The following PDSS2 variants were observed in gnomAD, a reference collection of about 807,000 sequenced individuals.
The protein encoded by PDSS2 is all trans-polyprenyl-diphosphate synthase PDSS2.
In PDSS2, 31 loss-of-function variants were observed where a neutral mutation model predicts 44.5. The ratio of observed to expected loss-of-function variants is 0.70; its 90% CI spans 0.52 to 0.94. The LOEUF (loss-of-function observed/expected upper bound fraction) is 0.94, where lower values mean the gene tolerates loss of function less well. Among genes scored for constraint, PDSS2 ranks in the 40% least tolerant of loss-of-function variants. The probability of loss-of-function intolerance (pLI) is 0.00; values close to 1 mark genes in which losing one functional copy is unlikely to be tolerated. For synonymous variants in PDSS2, 157 were observed against 180.3 expected (o/e 0.87, Z 1.03); for missense variants, 452 against 482.2 (o/e 0.94, Z 0.59).
At chr6:107,267,884 T>G (rs986402933) in intron 3 of PDSS2, among the ~76,000 whole-genome samples, 2 of 152,096 alleles carry the variant, frequency 1.3e-5, no homozygotes, top group Non-Finnish European at 2.9e-5. Flanking sequence ...TGAGCCACCA[T>G]GCCTGACCAA....
chr6:107,409,920 G>C (rs1265829224), intron 1 of PDSS2, among the ~76,000 whole-genome samples: 1 of 152,122 alleles, frequency 6.6e-6, no homozygotes, highest in Non-Finnish European at 1.5e-5. Context: ...CCTTACCCGG[G>C]GAGGCATCTC....
chr6:107,339,361 A>T (rs1778006962), intron 1 of PDSS2, among the ~76,000 whole-genome samples: 1 of 152,248 alleles, frequency 6.6e-6, no homozygotes, highest in Non-Finnish European at 1.5e-5. Context: ...TTATCATTAA[A>T]GTTCTACAGA....
At chr6:107,334,638 C>T (rs1167728313) in intron 1 of PDSS2, among the ~76,000 whole-genome samples, 1 of 150,918 alleles carries the variant, frequency 6.6e-6, no homozygotes, top group Non-Finnish European at 1.5e-5. Context: ...CCTCCCGGTC[C>T]TAAGCGATCC....
chr6:107,175,001 T>A (rs1202754484), intron 7 of PDSS2, among the ~76,000 whole-genome samples: 1 of 152,130 alleles, frequency 6.6e-6, no homozygotes, highest in Non-Finnish European at 1.5e-5. Context: ...GATCATGACG[T>A]CAGGAGTTCA....
chr6:107,241,641 C>A (rs957095297), intron 4 of PDSS2, among the ~76,000 whole-genome samples: 3 of 152,146 alleles, frequency 2.0e-5, no homozygotes, highest in Admixed American at 1.3e-4. Flanking sequence ...CCACCGCACC[C>A]GGCTGCTCTA....
chr6:107,299,309 G>A (rs1181487420), intron 2 of PDSS2, among the ~76,000 whole-genome samples: 1 of 151,938 alleles, frequency 6.6e-6, no homozygotes, highest in Admixed American at 6.6e-5. Context: ...AAAGCAGAGA[G>A]CCACAGTGGT....
At chr6:107,430,805 G>A (rs899042219) in intron 1 of PDSS2, among the ~76,000 whole-genome samples, 6 of 151,132 alleles carry the variant, frequency 4.0e-5, no homozygotes, top group African/African-American at 9.7e-5. Context: ...GAGAAACTCC[G>A]TCTCAGAAAA....
intron 3 of PDSS2, chr6:107,264,533 C>T (rs748594141): frequency 3.2e-5 from 45 of 1,388,542 alleles, no homozygotes; most frequent in South Asian, 6.2e-5. Flanking sequence ...AAAAAAATAA[C>T]GTGATAAATT....
chr6:107,363,745 C>A (rs1278599645), intron 1 of PDSS2, among the ~76,000 whole-genome samples: 1 of 152,134 alleles, frequency 6.6e-6, no homozygotes, highest in East Asian at 1.9e-4. Flanking sequence ...TTGGTAGAGC[C>A]GAGTGGCCTG....
intron 2 of PDSS2, among the ~76,000 whole-genome samples, chr6:107,283,723 AAAAT>A (rs201094915): frequency 0.014 from 2,164 of 151,770 alleles, 53 homozygotes; most frequent in African/African-American, 0.05. Flanking sequence ...TCCATCTCAA[AAAAT>A]AAATAAATAA....
At chr6:107,192,373 C>G in intron 7 of PDSS2, 1 of 512,500 alleles carries the variant, frequency 2.0e-6, no homozygotes, top group South Asian at 1.4e-5. Flanking sequence ...GAGTCTGAGA[C>G]CCCAGGGAAA....
chr6:107,306,616 G>A (rs550009081), intron 2 of PDSS2, among the ~76,000 whole-genome samples: 2 of 152,192 alleles, frequency 1.3e-5, no homozygotes, highest in South Asian at 4.2e-4. Context: ...TATGATGCTG[G>A]AATGCATATG....
chr6:107,155,500 CT>C (rs112219632), intron 7 of PDSS2, among the ~76,000 whole-genome samples: 1,958 of 150,968 alleles, frequency 0.013, 22 homozygotes, highest in Middle Eastern at 0.11. Flanking sequence ...TAGTTAATAA[CT>C]TTTTTTTTAA....
intron 1 of PDSS2, among the ~76,000 whole-genome samples, chr6:107,344,847 A>C (rs1778191581): frequency 6.6e-6 from 1 of 152,176 alleles, no homozygotes; most frequent in South Asian, 2.1e-4. Context: ...TAAATATACC[A>C]CTGGAAAAAC....
chr6:107,224,524 G>A (rs1773721481), intron 4 of PDSS2, among the ~76,000 whole-genome samples: 1 of 151,376 alleles, frequency 6.6e-6, no homozygotes, highest in Admixed American at 6.6e-5. Context: ...CGGACAGAGA[G>A]GGCTTCAATA....
intron 7 of PDSS2, among the ~76,000 whole-genome samples, chr6:107,157,166 C>T (rs1375623559): frequency 6.6e-6 from 1 of 151,918 alleles, no homozygotes; most frequent in African/African-American, 2.4e-5. Flanking sequence ...CCTCACTTTT[C>T]CCCCCTTTTC....
rs1191430656 is a variant in PDSS2, at chr6:107,429,899, AAAATATATATAT to A, written c.296+29079_296+29090del. On this transcript the variant is annotated intron_variant, in intron 1 of 7. Transcript: ENST00000369037. Reference sequence around the variant, plus strand: ...AACTTAGTCTCAAAAAAAAAAAAAAAAAATATATATATATATATATATATATATATATATATA... The same window carrying A: ...AACTTAGTCTCAAAAAAAAAAAAAAAATATATATATATATATATATATATA... Among the ~76,000 whole-genome samples, 281 of 41,418 alleles carry A rather than the reference AAAATATATATAT, an allele frequency of 6.8e-3. 23 individuals are homozygous for A. The highest frequency in any genetic ancestry group is 0.027 in the East Asian group (21 of 790). The allele number at this position is 41,418 out of a possible 152,430, so 27.2% of individuals were successfully genotyped here.
rs557736757 is a variant in PDSS2 at position 107,452,397 on chromosome 6, A to C, written c.296+6593T>G. 2.0e-5 allele frequency among the ~76,000 whole-genome samples: 3 copies of C among 151,620 alleles called. No homozygotes were observed. The East Asian group carries it at 5.9e-4, about 30-fold the overall frequency. ...ACAGGCACCCACCACCACACCGGCT[A>C]ATTTTTGTATTTTTAGTAGAGACAG... On this transcript the variant is annotated intron_variant, in intron 1 of 7. Coordinates refer to ENST00000369037, the MANE Select transcript of PDSS2 (RefSeq NM_020381.4).
chr6:107,359,167 C>T (rs915181672), intron 1 of PDSS2, among the ~76,000 whole-genome samples: 5 of 151,570 alleles, frequency 3.3e-5, no homozygotes, highest in Non-Finnish European at 5.9e-5. Context: ...CACGCCATCA[C>T]GCCCAGCTGA....
Sources: gnomAD v4.1 joint callset for allele counts (sites outside exome capture counted in the v4.1 genomes callset) on GRCh38, gnomAD v4.1.1 for gene constraint, MANE v1.5 for transcripts, NCBI Gene and HGNC (gene_info 2026-07-23, HGNC 2026-07-21) for gene names.